The following SI variants were observed in gnomAD, a reference collection of about 807,000 sequenced individuals.
SI encodes sucrase-isomaltase, intestinal.
In SI, 235 loss-of-function variants were observed where a neutral mutation model predicts 253.3. That is an observed-to-expected ratio of 0.93 (90% confidence interval 0.83 to 1.03). The LOEUF (loss-of-function observed/expected upper bound fraction) is 1.03. Ranked by LOEUF, SI falls within the 50% of genes least tolerant of loss-of-function variation. SI has a pLI of 0.00. For synonymous variants in SI, 819 were observed against 712.0 expected, an observed-to-expected ratio of 1.15 and a Z score of -2.39; for missense variants, 2,442 against 2,211.1, an observed-to-expected ratio of 1.10 and a Z score of -2.09.
At chr3:165,065,642 AT>A (rs544311396) in intron 6 of SI, among the ~76,000 whole-genome samples, 331 of 151,032 alleles carry the variant, frequency 2.2e-3, no homozygotes, top group Non-Finnish European at 3.9e-3. Context: ...ATTTTTGCCA[AT>A]ATCTTTCACA....
intron 26 of SI, among the ~76,000 whole-genome samples, chr3:165,022,301 GC>G (rs1372169362): frequency 1.3e-5 from 2 of 149,450 alleles, no homozygotes; most frequent in South Asian, 2.1e-4. Context: ...GTCACTTAAC[GC>G]CTTTTTATCT....
intron 34 of SI, among the ~76,000 whole-genome samples, chr3:165,011,614 A>G (rs2108163874): frequency 6.6e-6 from 1 of 151,986 alleles, no homozygotes; most frequent in East Asian, 1.9e-4. Flanking sequence ...TATGTCTGTT[A>G]AGTCCATTTG....
chr3:165,046,726 A>T, intron 16 of SI, 115 bp downstream of exon 16: 1 of 867,016 alleles, frequency 1.2e-6, no homozygotes, highest in Non-Finnish European at 1.8e-6. Context: ...AAAATAAAAA[A>T]CTGAATTATT....
intron 13 of SI, among the ~76,000 whole-genome samples, chr3:165,053,566 G>GT (rs1713541604): frequency 6.6e-6 from 1 of 152,078 alleles, no homozygotes; most frequent in African/African-American, 2.4e-5. Context: ...TGCTTCTTGT[G>GT]TTTTTTGTTT....
At chr3:164,988,413 C>T (rs1332289603) in intron 44 of SI, among the ~76,000 whole-genome samples, 2 of 152,080 alleles carry the variant, frequency 1.3e-5, no homozygotes, top group Non-Finnish European at 2.9e-5. Context: ...TATACTAAAA[C>T]TTGTGATTAG....
At chr3:165,087,737 C>A in the SI span, among the ~76,000 whole-genome samples, 6 of 152,134 alleles carry the variant, frequency 3.9e-5, no homozygotes, top group African/African-American at 1.4e-4. Context: ...ATTTTGCTAT[C>A]AGATTTATAT....
rs1215631503 is a variant in SI, at chr3:165,052,149, A to T, written c.1513-2274T>A. 5.3e-5 allele frequency among the ~76,000 whole-genome samples: 8 copies of T among 152,276 alleles called. No homozygotes were observed. The East Asian group carries it at 1.4e-3, about 26-fold the overall frequency. On this transcript the variant is annotated intron_variant, in intron 13 of 47. Coordinates refer to ENST00000264382, the MANE Select transcript of SI (RefSeq NM_001041.4). ...AACTTACTACCCATATTTTAAAAGA[A>T]TTTATCTATTGTAGTGTTTTTAAGT...
In SI at chr3:165,063,483, C is replaced by A; in HGVS notation, c.866G>T (p.Gly289Val). The A allele has an allele frequency of 6.4e-7, 1 of 1,562,534 alleles. No homozygotes were observed. The highest frequency in any genetic ancestry group is 1.7e-5 in the Admixed American group (1 of 59,526). Reference sequence around the variant, plus strand: ...CATTAAAAAAACACCGAATGACTTTCCAGATGTATCTTCAATACACATAAA... The same window carrying A: ...CATTAAAAAAACACCGAATGACTTTACAGATGTATCTTCAATACACATAAA... ...TFFMCIEDTSGKSFGVFLMNS... is the reference protein window; with the variant it reads ...TFFMCIEDTSVKSFGVFLMNS... The change falls in exon 8 of 48, where the codon GGA (glycine) becomes GTA (valine). Residue 289 changes from glycine (G) to valine (V), a missense_variant. By Grantham distance (109) the Gly-to-Val change is moderately radical. Transcript: ENST00000264382.
At position 164,983,057 on chromosome 3, in the gene SI, G is replaced by T; in HGVS notation, c.5198-6C>A. On this transcript the variant is annotated splice_region_variant and splice_polypyrimidine_tract_variant and intron_variant, in intron 45 of 47. Coordinates refer to ENST00000264382, the MANE Select transcript of SI (RefSeq NM_001041.4). The stretch of plus-strand genomic sequence containing the variant: ...TAGGTCTCTTTCATAGGTGTCTGTA[G>T]AGAGAGAAAAAAAATGTGATATATT... 2 of 1,541,776 alleles carry T rather than the reference G, an allele frequency of 1.3e-6. No homozygotes were observed. The highest frequency in any genetic ancestry group is 8.9e-7 in the Non-Finnish European group (1 of 1,123,066).
At chr3:165,081,743 G>C (rs370360412), upstream of SI, among the ~76,000 whole-genome samples, 2 of 151,984 alleles carry the variant, frequency 1.3e-5, no homozygotes, top group Non-Finnish European at 2.9e-5. Context: ...GGCTCTGGGA[G>C]GTGTTGAATT....
intron 3 of SI, among the ~76,000 whole-genome samples, chr3:165,073,559 G>A (rs1212589812): frequency 2.6e-5 from 4 of 152,098 alleles, no homozygotes. Flanking sequence ...AGTTTATTCA[G>A]TTAATTTGTG....
chr3:165,062,121 C>T lies in SI; in HGVS notation c.1020+250G>A, dbSNP rs371944962. Among the ~76,000 whole-genome samples the T allele has an allele frequency of 1.4e-3, 219 of 151,528 alleles. 2 individuals carry two copies. Among genetic ancestry groups the T allele is most frequent in the African/African-American group, 5.1e-3 (211 of 41,420 alleles). On this transcript the variant is annotated intron_variant, in intron 9 of 47. Coordinates refer to ENST00000264382, the MANE Select transcript of SI (RefSeq NM_001041.4). Reference sequence around the variant, plus strand: ...TAATATTCAACATCTCAATGAATTCCAATTCTTGAACTCAGCTGCCTAGAG... The same window carrying T: ...TAATATTCAACATCTCAATGAATTCTAATTCTTGAACTCAGCTGCCTAGAG...
At chr3:165,025,165 C>T (rs150272143) in intron 25 of SI, among the ~76,000 whole-genome samples, 7 of 151,148 alleles carry the variant, frequency 4.6e-5, no homozygotes, top group East Asian at 2.0e-4. Flanking sequence ...AAGCTTATTT[C>T]GTTGATGATA....
chr3:165,073,151 T>C (rs1367113529), intron 3 of SI, among the ~76,000 whole-genome samples: 1 of 151,416 alleles, frequency 6.6e-6, no homozygotes, highest in Non-Finnish European at 1.5e-5. Context: ...AATAGAATTC[T>C]ATGTTTAGCT....
At chr3:165,017,007 A>G (rs1719067307) in intron 31 of SI, among the ~76,000 whole-genome samples, 1 of 151,916 alleles carries the variant, frequency 6.6e-6, no homozygotes, top group African/African-American at 2.4e-5. Flanking sequence ...TAGCAGCAGC[A>G]TCCCTAGGAT....
intron 17 of SI, among the ~76,000 whole-genome samples, chr3:165,041,471 C>T (rs976231163): frequency 3.9e-5 from 6 of 151,940 alleles, no homozygotes; most frequent in African/African-American, 7.2e-5. Flanking sequence ...ACCCAAGCTT[C>T]GATGTGGCGC....
upstream of SI, among the ~76,000 whole-genome samples, chr3:165,080,387 A>G (rs2108126633): frequency 6.6e-6 from 1 of 152,126 alleles, no homozygotes; most frequent in African/African-American, 2.4e-5. Flanking sequence ...TTCAAGTAAC[A>G]GCTTTTGTTC....
At chr3:164,979,577 T>C (rs1393558495) in intron 47 of SI, 147 bp from the exon 48 acceptor site, 2 of 546,888 alleles carry the variant, frequency 3.7e-6, no homozygotes, top group Non-Finnish European at 6.5e-6. Flanking sequence ...TCAGAAAGTT[T>C]GCAACCATTT....
At chr3:165,015,869 G>A in intron 32 of SI, 83 bp downstream of exon 32, 1 of 1,222,368 alleles carries the variant, frequency 8.2e-7, no homozygotes, top group Non-Finnish European at 1.2e-6. Context: ...TTTCTATTTT[G>A]AAACATCTTC....
Sources: gnomAD v4.1 joint callset for allele counts (sites outside exome capture counted in the v4.1 genomes callset) on GRCh38, gnomAD v4.1.1 for gene constraint, MANE v1.5 for transcripts, NCBI Gene and HGNC (gene_info 2026-07-23, HGNC 2026-07-21) for gene names.